DAB1: variants seen among roughly 807,000 people sequenced by gnomAD.
DAB1 encodes disabled homolog 1.
DAB1 carries 15 observed loss-of-function variants against 64.6 expected under a neutral mutation model. The ratio of observed to expected loss-of-function variants is 0.23; its 90% confidence interval spans 0.16 to 0.36. The LOEUF (loss-of-function observed/expected upper bound fraction) is 0.36. Ranked by LOEUF, DAB1 falls within the 10% of genes least tolerant of loss-of-function variation. The pLI, the probability that DAB1 is intolerant of heterozygous loss-of-function variation, is 1.00. For synonymous variants in DAB1, 235 were observed against 251.9 expected, an observed-to-expected ratio of 0.93 and a Z score of 0.64; for missense variants, 596 against 706.7, an observed-to-expected ratio of 0.84 and a Z score of 1.78.
intron 5 of DAB1, among the ~76,000 whole-genome samples, chr1:58,112,687 A>T (rs928895491): frequency 9.8e-5 from 15 of 152,362 alleles, no homozygotes; most frequent in Non-Finnish European, 2.1e-4. Flanking sequence ...CTCAGCACAT[A>T]GTAGGCACTC....
intron 7 of DAB1, among the ~76,000 whole-genome samples, chr1:57,513,460 T>C (rs558240588): frequency 6.6e-6 from 1 of 152,288 alleles, no homozygotes; most frequent in African/African-American, 2.4e-5. Context: ...CCATCAATCT[T>C]ATTATTAGTT....
chr1:57,618,852 C>G (rs1645821604), intron 7 of DAB1, among the ~76,000 whole-genome samples: 1 of 151,966 alleles, frequency 6.6e-6, no homozygotes, highest in Admixed American at 6.6e-5. Flanking sequence ...GAATTTAGAT[C>G]CTGGAGACAG....
rs1165294774 is a variant in DAB1 at position 57,620,542 on chromosome 1, T to TA, written n.625+29049dup. The stretch of plus-strand genomic sequence containing the variant: ...TCCCATGAGGGGATAAACCCGCAGA[T>TA]ACAACTATCAGCAAAACCTGGGGTG... On this transcript the variant is annotated intron_variant and non_coding_transcript_variant, in intron 7 of 20. Coordinates refer to the DAB1 transcript ENST00000485760. Among the ~76,000 whole-genome samples the TA allele has an allele frequency of 5.9e-5, 9 of 152,326 alleles. No individual in the cohort carries two copies. The East Asian group carries it at 1.7e-3, about 29-fold the overall frequency.
chr1:57,103,006 T>C (rs1654820116), intron 4 of DAB1, among the ~76,000 whole-genome samples: 1 of 152,096 alleles, frequency 6.6e-6, no homozygotes, highest in African/African-American at 2.4e-5. Flanking sequence ...GTCATTGCAA[T>C]TATGACTGGG....
intron 6 of DAB1, among the ~76,000 whole-genome samples, chr1:57,669,169 C>T (rs1329882002): frequency 6.6e-6 from 1 of 151,966 alleles, no homozygotes; most frequent in East Asian, 1.9e-4. Context: ...CAGGACTTAG[C>T]CAATTCAATC....
intron 6 of DAB1, among the ~76,000 whole-genome samples, chr1:57,679,696 T>C (rs1365136179): frequency 6.6e-6 from 1 of 152,196 alleles, no homozygotes; most frequent in Non-Finnish European, 1.5e-5. Context: ...GGCCATCATA[T>C]ATATAATTAT....
intron 6 of DAB1, among the ~76,000 whole-genome samples, chr1:57,776,729 A>G (rs1649818923): frequency 6.6e-6 from 1 of 151,990 alleles, no homozygotes; most frequent in Middle Eastern, 3.4e-3. Flanking sequence ...TTACAAACAT[A>G]TATTTCCATT....
At chr1:57,682,745 G>T (rs1036465239) in intron 6 of DAB1, among the ~76,000 whole-genome samples, 1 of 152,126 alleles carries the variant, frequency 6.6e-6, no homozygotes, top group East Asian at 1.9e-4. Flanking sequence ...CTTTTGTGTG[G>T]GGGGAAGCTC....
chr1:57,612,195 TTGTGTG>T (rs58605325), intron 7 of DAB1, among the ~76,000 whole-genome samples: 33,627 of 149,590 alleles, frequency 0.22, 4,068 homozygotes, highest in East Asian at 0.33. Flanking sequence ...TGGCATGATC[TTGTGTG>T]TGTGTGTGTG....
rs182088882 is a variant in DAB1, at chr1:57,826,997, T to A, written n.88-542A>T. On this transcript the variant is annotated intron_variant and non_coding_transcript_variant, in intron 1 of 1. Coordinates refer to the DAB1 transcript ENST00000477280. ...GTATTTGGTAATTTGATGGTTTCTATTTGCCTCTCTGGCTTTGATTTTACG... is the reference window on the plus strand; with the variant it reads ...GTATTTGGTAATTTGATGGTTTCTAATTGCCTCTCTGGCTTTGATTTTACG... Among the ~76,000 whole-genome samples the A allele has an allele frequency of 1.8e-4, 28 of 152,382 alleles. No homozygotes were observed. The East Asian group carries it at 4.4e-3, about 24-fold the overall frequency.
chr1:57,684,619 G>GTAGT (rs1157014558), intron 6 of DAB1, among the ~76,000 whole-genome samples: 3 of 152,034 alleles, frequency 2.0e-5, no homozygotes, highest in African/African-American at 7.2e-5. Context: ...AGTCCTTAAG[G>GTAGT]TAGTGCTAAA....
intron 2 of DAB1, among the ~76,000 whole-genome samples, chr1:58,516,203 C>G (rs1411238571): frequency 6.6e-6 from 1 of 152,188 alleles, no homozygotes; most frequent in African/African-American, 2.4e-5. Context: ...AACAATCATA[C>G]ACCATGTCAT....
intron 5 of DAB1, among the ~76,000 whole-genome samples, chr1:58,035,812 G>A (rs1279190596): frequency 6.6e-6 from 1 of 152,176 alleles, no homozygotes; most frequent in Non-Finnish European, 1.5e-5. Flanking sequence ...GGGGAGACTT[G>A]AGGTCTATTC....
chr1:58,473,551 AATAAAT>A (rs1290102048), intron 3 of DAB1, among the ~76,000 whole-genome samples: 11 of 100,934 alleles, frequency 1.1e-4, no homozygotes, highest in Non-Finnish European at 2.0e-4. Flanking sequence ...CAAAAAAATA[AATAAAT>A]AAATAAATAA....
intron 7 of DAB1, among the ~76,000 whole-genome samples, chr1:57,441,570 T>G (rs893854091): frequency 6.6e-6 from 1 of 152,004 alleles, no homozygotes; most frequent in African/African-American, 2.4e-5. Flanking sequence ...TCCAGGCTGG[T>G]CTCGAACTCC....
intron 2 of DAB1, among the ~76,000 whole-genome samples, chr1:58,521,753 A>G (rs1186539682): frequency 6.6e-6 from 1 of 152,198 alleles, no homozygotes; most frequent in African/African-American, 2.4e-5. Flanking sequence ...TATTAAAGAG[A>G]CTGAATCCAT....
intron 3 of DAB1, among the ~76,000 whole-genome samples, chr1:58,394,670 A>C (rs1644504132): frequency 6.6e-6 from 1 of 152,234 alleles, no homozygotes. Flanking sequence ...AAATGATTCT[A>C]ATTATATGAA....
intron 5 of DAB1, among the ~76,000 whole-genome samples, chr1:58,146,402 T>C (rs1172587515): frequency 1.3e-5 from 2 of 152,198 alleles, no homozygotes; most frequent in African/African-American, 2.4e-5. Context: ...TTCTTATATA[T>C]AATACAATAT....
At chr1:57,305,451 A>G (rs1468551633) in intron 1 of DAB1, among the ~76,000 whole-genome samples, 4 of 152,152 alleles carry the variant, frequency 2.6e-5, no homozygotes, top group African/African-American at 7.2e-5. Context: ...CCCACACATG[A>G]AAGAGGGATG....
Sources: allele counts gnomAD v4.1 joint callset (sites outside exome capture counted in the v4.1 genomes callset), GRCh38; gene constraint gnomAD v4.1.1; transcripts MANE v1.5; gene names NCBI Gene and HGNC (gene_info 2026-07-23, HGNC 2026-07-21).